NAV3: variants seen among roughly 807,000 people sequenced by gnomAD.
NAV3 encodes neuron navigator 3, also known as pore membrane and/or filament interacting like protein 1.
In NAV3, 87 loss-of-function variants were observed where a neutral mutation model predicts 244.7. The ratio of observed to expected loss-of-function variants is 0.36; its 90% confidence interval spans 0.30 to 0.42. NAV3 has a LOEUF of 0.42. Ranked by LOEUF, NAV3 falls within the 20% of genes least tolerant of loss-of-function variation. NAV3 has a pLI of 1.00. For synonymous variants in NAV3, 1,126 were observed against 1,042.2 expected (o/e 1.08, Z -1.55); for missense variants, 2,663 against 2,893.3 (o/e 0.92, Z 1.83).
At chr12:77,627,473 A>G (rs192988120) in intron 2 of NAV3, among the ~76,000 whole-genome samples, 3 of 152,304 alleles carry the variant, frequency 2.0e-5, no homozygotes, top group East Asian at 1.9e-4. Flanking sequence ...GGAGACTATT[A>G]CAGGCAACTA....
chr12:78,118,489 T>C (rs1365236462), intron 14 of NAV3, among the ~76,000 whole-genome samples, 192 bp downstream of exon 14: 1 of 152,236 alleles, frequency 6.6e-6, no homozygotes, highest in African/African-American at 2.4e-5. Context: ...GTAGGGCCTA[T>C]ATCTAGGCAT....
chr12:77,858,717 C>A (rs1009559861), intron 1 of NAV3, among the ~76,000 whole-genome samples: 1 of 151,914 alleles, frequency 6.6e-6, no homozygotes, highest in African/African-American at 2.4e-5. Flanking sequence ...TCATGTTAAA[C>A]CCCAGGAAGA....
chr12:78,159,683 A>C (rs1467623834), intron 23 of NAV3, among the ~76,000 whole-genome samples: 2 of 151,990 alleles, frequency 1.3e-5, no homozygotes, highest in Non-Finnish European at 2.9e-5. Context: ...TAATAAAATA[A>C]TATTCAATTC....
intron 2 of NAV3, 111 bp from the exon 3 acceptor site, chr12:77,940,970 G>A (rs921783178): frequency 2.9e-6 from 2 of 701,178 alleles, no homozygotes; most frequent in African/African-American, 3.6e-5. Flanking sequence ...TATGTAGCAG[G>A]AGCATTTTTG....
At chr12:78,178,407 CA>C (rs1228464206) in intron 28 of NAV3, among the ~76,000 whole-genome samples, 1 of 151,934 alleles carries the variant, frequency 6.6e-6, no homozygotes, top group African/African-American at 2.4e-5. Context: ...GTGATTCACC[CA>C]CCTCGGCCTC....
chr12:77,769,975 A>G (rs1869992977), intron 2 of NAV3, among the ~76,000 whole-genome samples: 2 of 152,302 alleles, frequency 1.3e-5, no homozygotes, highest in South Asian at 4.2e-4. Context: ...TGTTAAATTT[A>G]TAGGTCAGAC....
chr12:78,126,730 A>G (rs2138796841), intron 16 of NAV3, among the ~76,000 whole-genome samples: 1 of 152,298 alleles, frequency 6.6e-6, no homozygotes, highest in African/African-American at 2.4e-5. Context: ...TTGAAGACAA[A>G]AGATAAGTAT....
At chr12:77,598,487 T>C (rs1448660140) in intron 2 of NAV3, among the ~76,000 whole-genome samples, 1 of 152,020 alleles carries the variant, frequency 6.6e-6, no homozygotes, top group East Asian at 1.9e-4. Context: ...TTCATACATT[T>C]GAAGCTTTTT....
At chr12:77,592,191 A>G (rs534267046) in intron 2 of NAV3, among the ~76,000 whole-genome samples, 3 of 152,280 alleles carry the variant, frequency 2.0e-5, no homozygotes, top group East Asian at 3.9e-4. Context: ...GAAAGTCAAC[A>G]TGGGGCTGGA....
intron 12 of NAV3, among the ~76,000 whole-genome samples, chr12:78,086,526 A>T: frequency 6.6e-6 from 1 of 152,020 alleles, no homozygotes; most frequent in Non-Finnish European, 1.5e-5. Context: ...TGCTACCAAT[A>T]TTTTTATCAC....
At position 78,119,702 on chromosome 12, in the gene NAV3, A is replaced by T. The variant is rs779390053; in HGVS notation, c.3506A>T (p.Lys1169Met). ...TSSIDSNVSSKSAGATTSKLR... is the reference protein window; with the variant it reads ...TSSIDSNVSSMSAGATTSKLR... Reference sequence around the variant, plus strand: ...AGTATTGATTCCAACGTCAGCAGCAAGTCTGCTGGGGCCACCACCTCGAAA... The same window carrying T: ...AGTATTGATTCCAACGTCAGCAGCATGTCTGCTGGGGCCACCACCTCGAAA... Residue 1169 changes from lysine to methionine, a missense_variant, in exon 15 of 40, where the codon AAG (lysine) becomes ATG (methionine). Around this residue, in one of 6 missense-constraint regions of NAV3, gnomAD observed 1,521 missense variants for 1,497.0 expected, o/e 1.02. Coordinates refer to ENST00000397909, the MANE Select transcript of NAV3 (RefSeq NM_001024383.2). 4 of 1,614,114 alleles carry T rather than the reference A, an allele frequency of 2.5e-6. No homozygotes were observed. The highest frequency in any genetic ancestry group is 2.7e-5 in the African/African-American group (2 of 74,938).
At chr12:77,772,112 T>G (rs1870121872) in intron 2 of NAV3, among the ~76,000 whole-genome samples, 1 of 152,176 alleles carries the variant, frequency 6.6e-6, no homozygotes, top group African/African-American at 2.4e-5. Flanking sequence ...GATAACATTA[T>G]TAACTCCATT....
rs2136572678 is a variant in NAV3, at chr12:78,006,828, G to C, written c.1290G>C (p.Leu430=). 6.2e-7 allele frequency: 1 copy of C among 1,614,160 alleles called. No individual in the cohort carries two copies. Among genetic ancestry groups the C allele is most frequent in the South Asian group, 1.1e-5 (1 of 91,086 alleles). Residue 430 remains leucine, a synonymous_variant, in exon 8 of 40, where the codon CTG becomes CTC. Transcript: ENST00000397909. The part of the protein sequence containing the change: ...SGEMEGFNSG[L]NSGGSTNSSP... ...AAATGGAAGGTTTTAACAGTGGTCTGAATAGTGGTGGCTCAACAAATAGCA... is the reference window on the plus strand; with the variant it reads ...AAATGGAAGGTTTTAACAGTGGTCTCAATAGTGGTGGCTCAACAAATAGCA...
chr12:77,727,751 A>T (rs894964485), intron 2 of NAV3, among the ~76,000 whole-genome samples: 2 of 152,024 alleles, frequency 1.3e-5, no homozygotes, highest in African/African-American at 4.8e-5. Flanking sequence ...TGTATGAGAC[A>T]ACTTAGGCAC....
intron 9 of NAV3, among the ~76,000 whole-genome samples, chr12:78,049,383 T>C (rs182770722): frequency 1.3e-5 from 2 of 152,276 alleles, no homozygotes; most frequent in East Asian, 3.9e-4. Context: ...GTGAAGACTG[T>C]GGGAAAAGCA....
At chr12:77,710,013 A>G (rs919858650) in intron 2 of NAV3, among the ~76,000 whole-genome samples, 1 of 152,214 alleles carries the variant, frequency 6.6e-6, no homozygotes, top group Non-Finnish European at 1.5e-5. Context: ...GCATCAGCAG[A>G]GAAAAATGTC....
At chr12:77,921,219 A>C (rs1887681478) in intron 1 of NAV3, among the ~76,000 whole-genome samples, 1 of 152,112 alleles carries the variant, frequency 6.6e-6, no homozygotes, top group African/African-American at 2.4e-5. Context: ...TGCATATTCA[A>C]GATATGAAAT....
At chr12:78,201,478 G>A (rs934916678) in intron 38 of NAV3, among the ~76,000 whole-genome samples, 11 of 151,850 alleles carry the variant, frequency 7.2e-5, no homozygotes, top group Admixed American at 5.9e-4. Context: ...TGGTTTCACA[G>A]CATCTTTGCT....
At chr12:77,794,101 C>A (rs1341625387) in intron 2 of NAV3, among the ~76,000 whole-genome samples, 2 of 151,992 alleles carry the variant, frequency 1.3e-5, no homozygotes, top group Non-Finnish European at 2.9e-5. Flanking sequence ...TCATATGTTT[C>A]TTGGCCATGT....
Sources: allele counts gnomAD v4.1 joint callset (sites outside exome capture counted in the v4.1 genomes callset), GRCh38; gene constraint gnomAD v4.1.1; regional missense constraint gnomAD v4.1.1; transcripts MANE v1.5; gene names NCBI Gene and HGNC (gene_info 2026-07-23, HGNC 2026-07-21).